The following ZNF536 variants were observed in gnomAD, a reference collection of about 807,000 sequenced individuals.
ZNF536 encodes the protein zinc finger protein 536.
In ZNF536, 13 loss-of-function variants were observed where a neutral mutation model predicts 84.5. The ratio of observed to expected loss-of-function variants is 0.15; its 90% CI spans 0.10 to 0.24. The LOEUF is 0.24. ZNF536 is among the 10% of genes least tolerant of loss of function. The pLI, the probability that ZNF536 is intolerant of heterozygous loss-of-function variation, is 1.00. For missense variants in ZNF536, 1,536 were observed against 1,747.5 expected (o/e 0.88, Z 2.16); for synonymous variants, 811 against 742.5 (o/e 1.09, Z -1.50).
intron 2 of ZNF536, among the ~76,000 whole-genome samples, chr19:30,458,253 G>A (rs2052949546): frequency 6.6e-6 from 1 of 151,934 alleles, no homozygotes; most frequent in Non-Finnish European, 1.5e-5. Flanking sequence ...ATTTGGGTGG[G>A]GAAGTGTAGA....
intron 2 of ZNF536, among the ~76,000 whole-genome samples, chr19:30,506,064 A>G (rs1401764890): frequency 6.6e-6 from 1 of 151,318 alleles, no homozygotes; most frequent in Non-Finnish European, 1.5e-5. Flanking sequence ...AATATTATTT[A>G]TATAATGAAA....
intron 2 of ZNF536, among the ~76,000 whole-genome samples, chr19:30,521,866 T>C (rs1272895868): frequency 2.0e-5 from 3 of 152,004 alleles, no homozygotes; most frequent in South Asian, 2.1e-4. Context: ...TGTGGATATA[T>C]CAGAAGAAAA....
intron 1 of ZNF536, among the ~76,000 whole-genome samples, chr19:30,620,527 T>A (rs903236102): frequency 1.3e-5 from 2 of 152,146 alleles, no homozygotes; most frequent in African/African-American, 4.8e-5. Context: ...TGGCTTTTCC[T>A]CCTGCCATCC....
chr19:30,503,646 C>A (rs2055040634), intron 2 of ZNF536, among the ~76,000 whole-genome samples: 2 of 152,202 alleles, frequency 1.3e-5, no homozygotes, highest in African/African-American at 4.8e-5. Context: ...CTCATCATCC[C>A]CTTGCAAAGT....
In ZNF536 at chr19:30,284,627, G is replaced by A. The variant is rs566251829; in HGVS notation, c.-120+486G>A. On this transcript the variant is annotated intron_variant, in intron 2 of 5. Coordinates refer to the ZNF536 transcript ENST00000585628. ...CTCCAGATTGCAAACTCCTGACGGGGTGTATTTCCGGCATGGGAGCTGATA... is the reference window on the plus strand; with the variant it reads ...CTCCAGATTGCAAACTCCTGACGGGATGTATTTCCGGCATGGGAGCTGATA... Among the ~76,000 whole-genome samples the A allele has an allele frequency of 1.5e-4, 23 of 152,330 alleles. 1 individual carries two copies. In the South Asian group the frequency reaches 4.6e-3, roughly 30 times the overall value.
At position 30,443,567 on chromosome 19, in the gene ZNF536, A is replaced by G. The variant is rs2148144139; in HGVS notation, c.5A>G (p.Glu2Gly). 6.5e-7 allele frequency: 1 copy of G among 1,534,178 alleles called. No individual in the cohort carries two copies. Among genetic ancestry groups the G allele is most frequent in the Non-Finnish European group, 8.7e-7 (1 of 1,143,076 alleles). ...ACTCTGCCTCTCTTTTCAGGGATGGAAGAAGCGAGCCTGTGCCTTGGAGTG... is the reference window on the plus strand; with the variant it reads ...ACTCTGCCTCTCTTTTCAGGGATGGGAGAAGCGAGCCTGTGCCTTGGAGTG... M[E>G]EASLCLGVSS... The change falls in exon 2 of 5, where the codon GAA becomes GGA. Residue 2 changes from glutamate to glycine, a missense_variant. Glu to Gly is a moderately conservative substitution (Grantham distance 98). Transcript: ENST00000355537.
chr19:30,659,376 C>A lies in ZNF536; in HGVS notation c.170-51381C>A, dbSNP rs185056419. Among the ~76,000 whole-genome samples the A allele has an allele frequency of 5.3e-5, 8 of 152,098 alleles. No homozygotes were observed. In the East Asian group the frequency reaches 1.5e-3, roughly 29 times the overall value. ...AGCACTCACTCTTGTCATGACAAGA[C>A]CAAGGAAGATGGTGTTAAACCACTA... On this transcript the variant is annotated intron_variant, in intron 1 of 1. Coordinates refer to the ZNF536 transcript ENST00000592773.
chr19:30,562,740 G>A (rs777510627), downstream of ZNF536, among the ~76,000 whole-genome samples: 39 of 152,022 alleles, frequency 2.6e-4, no homozygotes, highest in African/African-American at 4.3e-4. Flanking sequence ...CCCAGGCACC[G>A]AGAGATACGG....
intron 1 of ZNF536, among the ~76,000 whole-genome samples, chr19:30,592,985 G>GC (rs1188202528): frequency 6.6e-6 from 1 of 152,310 alleles, no homozygotes; most frequent in Admixed American, 6.5e-5. Flanking sequence ...ATCAAGTCCA[G>GC]CATCTTCTCC....
intron 1 of ZNF536, among the ~76,000 whole-genome samples, chr19:30,234,213 T>C (rs189403863): frequency 5.3e-5 from 8 of 152,248 alleles, no homozygotes; most frequent in Admixed American, 5.2e-4. Flanking sequence ...GTTTTCTATC[T>C]AGGCATTACA....
intron 1 of ZNF536, among the ~76,000 whole-genome samples, chr19:30,229,572 G>GGGT (rs1555770105): frequency 8.9e-6 from 1 of 112,616 alleles, no homozygotes; most frequent in African/African-American, 4.1e-5. Flanking sequence ...TGCGGGTGGT[G>GGGT]GGGGGGGCTC....
intron 1 of ZNF536, among the ~76,000 whole-genome samples, chr19:30,568,057 A>G (rs181724028): frequency 1.3e-5 from 2 of 152,362 alleles, no homozygotes; most frequent in East Asian, 3.9e-4. Flanking sequence ...TGCCTGTACC[A>G]GTCTGAAGGA....
intron 1 of ZNF536, among the ~76,000 whole-genome samples, chr19:30,567,099 T>TG (rs1279718078): frequency 1.3e-5 from 2 of 152,216 alleles, no homozygotes; most frequent in African/African-American, 4.8e-5. Context: ...TGCCTCACCT[T>TG]GCGGGTGCTT....
intron 2 of ZNF536, among the ~76,000 whole-genome samples, chr19:30,533,441 G>A (rs1242196098): frequency 6.6e-6 from 1 of 151,884 alleles, no homozygotes; most frequent in Non-Finnish European, 1.5e-5. Context: ...GATCCCTTGT[G>A]CCCAGGAGTT....
Position 30,445,563 on chromosome 19 carries a change from C to A in ZNF536, c.2001C>A (p.Gly667=), listed in dbSNP as rs2148229726. Residue 667 remains glycine (G), a synonymous_variant, in exon 2 of 5, where the codon GGC becomes GGA. Transcript: ENST00000355537. The surrounding 1 kb of genome is among the most constrained non-coding windows in gnomAD (Gnocchi z 4.5). ...GCGAGGAGGATGGGCTGCACGTGGG[C>A]CTGGATGAGCGGCGTGGCTCGGGCA... ...RKGEEDGLHV[G]LDERRGSGSD... 6.2e-7 allele frequency: 1 copy of A among 1,613,380 alleles called. No individual in the cohort carries two copies.
chr19:30,226,477 A>AT (rs2022620947), upstream of ZNF536, among the ~76,000 whole-genome samples: 1 of 150,670 alleles, frequency 6.6e-6, no homozygotes, highest in African/African-American at 2.4e-5. The surrounding 1 kb of genome is among the most constrained non-coding windows in gnomAD (Gnocchi z 4.6). Flanking sequence ...GAGATCTGCC[A>AT]TTTTGTGATT....
chr19:30,481,174 T>A (rs1346821135), intron 2 of ZNF536, among the ~76,000 whole-genome samples: 3 of 152,254 alleles, frequency 2.0e-5, no homozygotes, highest in Non-Finnish European at 4.4e-5. Flanking sequence ...TGTTCCTTCT[T>A]GTTTCCATGT....
chr19:30,641,027 G>A (rs923602170), intron 1 of ZNF536, among the ~76,000 whole-genome samples: 19 of 152,248 alleles, frequency 1.2e-4, no homozygotes, highest in African/African-American at 4.6e-4. Context: ...CTTCAGTACC[G>A]CTTAGTTATC....
At chr19:30,414,843 GTTATT>G (rs1386054631) in intron 1 of ZNF536, among the ~76,000 whole-genome samples, 1 of 152,066 alleles carries the variant, frequency 6.6e-6, no homozygotes, top group Non-Finnish European at 1.5e-5. Flanking sequence ...CTGAAAATGT[GTTATT>G]TTATCTTGCA....
Sources: allele counts gnomAD v4.1 joint callset (sites outside exome capture counted in the v4.1 genomes callset), GRCh38; gene constraint gnomAD v4.1.1; non-coding constraint Gnocchi (gnomAD v3.1); transcripts MANE v1.5; gene names NCBI Gene and HGNC (gene_info 2026-07-23, HGNC 2026-07-21).